The following ZNF804A variants were observed in gnomAD, a reference collection of about 807,000 sequenced individuals.
ZNF804A encodes zinc finger protein 804A.
ZNF804A carries 2 observed loss-of-function variants against 16.5 expected under a neutral mutation model. That is an observed-to-expected ratio of 0.12 (90% CI 0.05 to 0.38). The LOEUF (loss-of-function observed/expected upper bound fraction) is 0.38. Among genes scored for constraint, ZNF804A ranks in the 10% least tolerant of loss-of-function variants. The probability of loss-of-function intolerance (pLI) is 0.99; values close to 1 mark genes in which losing one functional copy is unlikely to be tolerated. For synonymous variants in ZNF804A, 534 were observed against 489.6 expected, an observed-to-expected ratio of 1.09 and a Z score of -1.20; for missense variants, 1,473 against 1,390.7, an observed-to-expected ratio of 1.06 and a Z score of -0.94.
At chr2:184,715,718 AAAGACAATT>A (rs1693202326) in intron 1 of ZNF804A, among the ~76,000 whole-genome samples, 1 of 152,088 alleles carries the variant, frequency 6.6e-6, no homozygotes, top group Non-Finnish European at 1.5e-5. Context: ...ATACTTTTTA[AAAGACAATT>A]ATTCTATCAT....
intron 1 of ZNF804A, among the ~76,000 whole-genome samples, chr2:184,705,883 CATT>C (rs1693022381): frequency 6.6e-6 from 1 of 152,114 alleles, no homozygotes; most frequent in South Asian, 2.1e-4. Flanking sequence ...TGACACCTGA[CATT>C]ACCTCTACCT....
intron 1 of ZNF804A, among the ~76,000 whole-genome samples, chr2:184,679,287 T>A (rs1442401754): frequency 6.6e-6 from 1 of 152,194 alleles, no homozygotes; most frequent in Non-Finnish European, 1.5e-5. Context: ...CAAATGTAAC[T>A]AATAGACAAG....
chr2:184,855,603 T>C lies in ZNF804A; in HGVS notation c.112-10766T>C, dbSNP rs199613058. Among the ~76,000 whole-genome samples the C allele has an allele frequency of 2.1e-3, 256 of 121,418 alleles. 2 individuals carry two copies. In the East Asian group the frequency reaches 0.05, roughly 24 times the overall value. 79.7% of individuals were successfully genotyped at this position (121,418 alleles called of 152,430 possible). A position where few individuals can be genotyped will look rare whatever the true frequency, so the allele number is the denominator to read the frequency against. ...ATATACTGTAATGTACACATACACATATATATATATATACACACACACACA... is the reference window on the plus strand; with the variant it reads ...ATATACTGTAATGTACACATACACACATATATATATATACACACACACACA... On this transcript the variant is annotated intron_variant, in intron 1 of 3. Coordinates refer to ENST00000302277, the MANE Select transcript of ZNF804A (RefSeq NM_194250.2).
intron 1 of ZNF804A, among the ~76,000 whole-genome samples, chr2:184,718,100 G>T (rs894953862): frequency 6.6e-6 from 1 of 152,262 alleles, no homozygotes; most frequent in East Asian, 1.9e-4. Context: ...ACACATGGCT[G>T]GGGAGGCCTC....
intron 1 of ZNF804A, among the ~76,000 whole-genome samples, chr2:184,742,873 C>T (rs1325697393): frequency 1.3e-5 from 2 of 151,832 alleles, no homozygotes; most frequent in Non-Finnish European, 2.9e-5. Flanking sequence ...GAACAGATCT[C>T]AATCTGGTGA....
At chr2:184,858,809 TGAA>T (rs1476396711) in intron 1 of ZNF804A, among the ~76,000 whole-genome samples, 3 of 152,212 alleles carry the variant, frequency 2.0e-5, no homozygotes, top group Admixed American at 6.5e-5. Flanking sequence ...GTTACTGGCT[TGAA>T]GAACTCCCTT....
intron 2 of ZNF804A, among the ~76,000 whole-genome samples, chr2:184,905,373 G>T (rs932172048): frequency 3.9e-5 from 6 of 151,900 alleles, no homozygotes; most frequent in African/African-American, 1.5e-4. Context: ...TTCCTGACAA[G>T]AAATTTCACA....
At chr2:184,908,540 G>T (rs1574266441) in intron 2 of ZNF804A, among the ~76,000 whole-genome samples, 1 of 152,088 alleles carries the variant, frequency 6.6e-6, no homozygotes, top group South Asian at 2.1e-4. Context: ...CATTTAAGGG[G>T]AACATTATTC....
intron 1 of ZNF804A, among the ~76,000 whole-genome samples, chr2:184,607,430 G>T: frequency 6.6e-6 from 1 of 152,140 alleles, no homozygotes; most frequent in East Asian, 1.9e-4. Flanking sequence ...TCACATGATG[G>T]TGTGAAGGAG....
At chr2:184,933,820 AT>A in intron 3 of ZNF804A, 87 bp downstream of exon 3, 1 of 1,331,098 alleles carries the variant, frequency 7.5e-7, no homozygotes, top group Non-Finnish European at 1.0e-6. Flanking sequence ...GCACAAATCT[AT>A]TTATTACTGT....
chr2:184,639,068 CTTTT>C (rs34389839), intron 1 of ZNF804A, among the ~76,000 whole-genome samples: 1 of 107,412 alleles, frequency 9.3e-6, no homozygotes, highest in African/African-American at 3.9e-5. Context: ...AAGCCCCCTC[CTTTT>C]TTTTTTTTTT....
At chr2:184,856,553 G>A (rs550335910) in intron 1 of ZNF804A, among the ~76,000 whole-genome samples, 3 of 152,112 alleles carry the variant, frequency 2.0e-5, no homozygotes, top group South Asian at 4.1e-4. Flanking sequence ...TGTTAAGTAC[G>A]TATGTGTAAG....
chr2:184,657,395 G>A (rs2105704118), intron 1 of ZNF804A, among the ~76,000 whole-genome samples: 1 of 152,274 alleles, frequency 6.6e-6, no homozygotes, highest in South Asian at 2.1e-4. Flanking sequence ...TGTTGCCTAT[G>A]AGATTGAATT....
intron 1 of ZNF804A, among the ~76,000 whole-genome samples, chr2:184,677,435 T>C (rs1401035696): frequency 6.6e-6 from 1 of 151,868 alleles, no homozygotes; most frequent in Non-Finnish European, 1.5e-5. Flanking sequence ...TTACCATGAG[T>C]GGTGTAGACA....
At chr2:184,927,996 G>A (rs1685635890) in intron 2 of ZNF804A, among the ~76,000 whole-genome samples, 1 of 152,052 alleles carries the variant, frequency 6.6e-6, no homozygotes, top group Admixed American at 6.6e-5. Flanking sequence ...TTGTAGCTAA[G>A]GTGCAAGACA....
chr2:184,780,380 A>T (rs1044776113), intron 1 of ZNF804A, among the ~76,000 whole-genome samples: 14 of 151,808 alleles, frequency 9.2e-5, no homozygotes, highest in Non-Finnish European at 1.3e-4. Context: ...AAACTTTTTT[A>T]AAAAAATTAT....
chr2:184,913,035 A>G (rs1241432617), intron 2 of ZNF804A, among the ~76,000 whole-genome samples: 2 of 152,066 alleles, frequency 1.3e-5, no homozygotes, highest in Non-Finnish European at 2.9e-5. Flanking sequence ...TAGCCCTATA[A>G]TCACCTTTAA....
chr2:184,616,587 C>T (rs773680941), intron 1 of ZNF804A, among the ~76,000 whole-genome samples: 16 of 151,926 alleles, frequency 1.1e-4, no homozygotes, highest in East Asian at 1.9e-4. Flanking sequence ...TCAGACAGAA[C>T]GTAAGAGCTG....
intron 1 of ZNF804A, among the ~76,000 whole-genome samples, chr2:184,741,572 T>G (rs948072301): frequency 5.3e-5 from 8 of 152,094 alleles, no homozygotes; most frequent in African/African-American, 1.9e-4. Context: ...ATAAAGATGA[T>G]TTTATCAGGC....
Sources: gnomAD v4.1 joint callset for allele counts (sites outside exome capture counted in the v4.1 genomes callset) on GRCh38, gnomAD v4.1.1 for gene constraint, MANE v1.5 for transcripts, NCBI Gene and HGNC (gene_info 2026-07-23, HGNC 2026-07-21) for gene names.